FOXN3: variants seen among roughly 807,000 people sequenced by gnomAD.
FOXN3 encodes the protein forkhead box N3.
FOXN3 carries 7 observed loss-of-function variants against 38.4 expected under a neutral mutation model. The ratio of observed to expected loss-of-function variants is 0.18; its 90% CI spans 0.10 to 0.34. The LOEUF is 0.34. Ranked by LOEUF, FOXN3 falls within the 10% of genes least tolerant of loss-of-function variation. The probability of loss-of-function intolerance (pLI) is 1.00; values close to 1 mark genes in which losing one functional copy is unlikely to be tolerated. For missense variants in FOXN3, 456 were observed against 613.4 expected (o/e 0.74, Z 2.71); for synonymous variants, 230 against 242.2 (o/e 0.95, Z 0.47).
chr14:89,554,009 TG>T (rs1895061984), intron 1 of FOXN3, among the ~76,000 whole-genome samples: 1 of 152,154 alleles, frequency 6.6e-6, no homozygotes, highest in Non-Finnish European at 1.5e-5. Flanking sequence ...TTTTTTGTTT[TG>T]TTTTTTTATT....
At position 89,522,363 on chromosome 14, in the gene FOXN3, TAGA is replaced by T. The variant is rs1182139860; in HGVS notation, c.-15+96662_-15+96664del. 2.4e-4 allele frequency among the ~76,000 whole-genome samples: 37 copies of T among 152,292 alleles called. 1 individual carries two copies. The East Asian group carries it at 6.4e-3, about 26-fold the overall frequency. On this transcript the variant is annotated intron_variant, in intron 1 of 6. Transcript: ENST00000345097. ...AGCAGACCTGCACTATAAGAAATGTTAGAAGAAGTCCTTCAGGCAGAGAGACAG... is the reference window on the plus strand; with the variant it reads ...AGCAGACCTGCACTATAAGAAATGTTAGAAGTCCTTCAGGCAGAGAGACAG...
chr14:89,323,370 G>T (rs1887950568), intron 3 of FOXN3, among the ~76,000 whole-genome samples: 3 of 151,930 alleles, frequency 2.0e-5, no homozygotes, highest in African/African-American at 7.3e-5. Context: ...GTTAGGGTAG[G>T]TGTCTTTGAG....
chr14:89,318,832 C>T (rs376586427), intron 3 of FOXN3, among the ~76,000 whole-genome samples: 4 of 152,348 alleles, frequency 2.6e-5, no homozygotes, highest in African/African-American at 9.6e-5. Context: ...AGCCGCCGAC[C>T]CGATGCATCT....
At chr14:89,166,105 CCCTTTTTT>C (rs1424805160) in intron 5 of FOXN3, among the ~76,000 whole-genome samples, 2 of 152,136 alleles carry the variant, frequency 1.3e-5, no homozygotes, top group Admixed American at 6.5e-5. Context: ...GCTTTTCTTT[CCCTTTTTT>C]CCTAAGTTTG....
intron 1 of FOXN3, among the ~76,000 whole-genome samples, chr14:89,448,381 T>TG (rs781217247): frequency 5.9e-5 from 9 of 152,102 alleles, no homozygotes; most frequent in Non-Finnish European, 8.8e-5. Context: ...ATAAGGTGGG[T>TG]GCTCACTGGG....
At chr14:89,242,875 G>A (rs1332667661) in intron 4 of FOXN3, among the ~76,000 whole-genome samples, 1 of 152,180 alleles carries the variant, frequency 6.6e-6, no homozygotes, top group Admixed American at 6.5e-5. Flanking sequence ...TCTCGTGAAA[G>A]AGCTATTTTT....
At chr14:89,603,523 G>A (rs528004504) in intron 1 of FOXN3, among the ~76,000 whole-genome samples, 47 of 152,220 alleles carry the variant, frequency 3.1e-4, no homozygotes, top group Middle Eastern at 3.4e-3. Context: ...GATCTGTACC[G>A]TAGTTGGCCA....
intron 1 of FOXN3, among the ~76,000 whole-genome samples, chr14:89,472,741 A>G (rs1413499092): frequency 6.6e-6 from 1 of 150,988 alleles, no homozygotes; most frequent in African/African-American, 2.4e-5. Context: ...AAAAAAAAAA[A>G]GATAGATTGT....
intron 1 of FOXN3, among the ~76,000 whole-genome samples, chr14:89,575,165 C>A (rs926227091): frequency 1.3e-5 from 2 of 152,176 alleles, no homozygotes; most frequent in African/African-American, 4.8e-5. Flanking sequence ...CCTCTATTTT[C>A]CCTGACAAAA....
chr14:89,356,516 T>C (rs1225239147), intron 2 of FOXN3: 2 of 152,156 alleles, frequency 1.3e-5, no homozygotes, highest in Admixed American at 6.5e-5. Flanking sequence ...TTTAAGACAA[T>C]TGTAACCCTG....
chr14:89,593,133 AGGAGGGAG>A (rs141729598), intron 1 of FOXN3, among the ~76,000 whole-genome samples: 4,112 of 126,732 alleles, frequency 0.032, 213 homozygotes, highest in African/African-American at 0.11. Flanking sequence ...GAAGGAGGGA[AGGAGGGAG>A]GGAGGGAGGA....
chr14:89,418,423 C>G (rs1289075353), upstream of FOXN3, among the ~76,000 whole-genome samples: 2 of 127,626 alleles, frequency 1.6e-5, no homozygotes, highest in Non-Finnish European at 3.3e-5. Context: ...CCCCCCCCCC[C>G]CAATCTGAGA....
chr14:89,269,977 CTT>C (rs923675140), intron 4 of FOXN3, among the ~76,000 whole-genome samples: 5 of 152,180 alleles, frequency 3.3e-5, no homozygotes, highest in Non-Finnish European at 5.9e-5. Flanking sequence ...AATCTTTTCT[CTT>C]TTGGAAAACC....
At chr14:89,490,959 G>A (rs1172092587) in intron 1 of FOXN3, among the ~76,000 whole-genome samples, 4 of 152,098 alleles carry the variant, frequency 2.6e-5, no homozygotes, top group African/African-American at 9.7e-5. Flanking sequence ...ATTAGTTAAG[G>A]AGATACACTC....
chr14:89,167,525 G>C (rs372814206), intron 5 of FOXN3, among the ~76,000 whole-genome samples: 43 of 152,166 alleles, frequency 2.8e-4, no homozygotes, highest in East Asian at 9.6e-4. Context: ...GTAGAAGCAG[G>C]GGACTGGAGC....
Position 89,387,278 on chromosome 14 carries a change from TAAAC to T in FOXN3, c.543+24652_543+24655del, listed in dbSNP as rs930534254. Among the ~76,000 whole-genome samples, 192 of 152,050 alleles carry T rather than the reference TAAAC, an allele frequency of 1.3e-3. 1 individual carries two copies. The highest frequency in any genetic ancestry group is 4.3e-3 in the African/African-American group (179 of 41,492). ...CTCAATCAATCAATCAATCAATCAA[TAAAC>T]AAACCAACCAATTAGGGGGGAGACA... On this transcript the variant is annotated intron_variant, in intron 2 of 5. Coordinates refer to ENST00000557258, the MANE Select transcript of FOXN3 (RefSeq NM_005197.4).
At position 89,178,173 on chromosome 14, in the gene FOXN3, A is replaced by ATTT. The variant is rs777561153; in HGVS notation, c.851+2525_851+2527dup. On this transcript the variant is annotated intron_variant, in intron 5 of 5. Transcript: ENST00000557258. ...AGGTGTGTGCCACCATGCCCAGGTC[A>ATTT]TTTTTTTTTTTTTTTTAAATAGAGA... Among the ~76,000 whole-genome samples the ATTT allele has an allele frequency of 3.8e-5, 5 of 133,034 alleles. No homozygotes were observed. The East Asian group carries it at 8.7e-4, about 23-fold the overall frequency. 87.3% of individuals were successfully genotyped at this position (133,034 alleles called of 152,430 possible).
intron 1 of FOXN3, among the ~76,000 whole-genome samples, chr14:89,413,886 AAGGGCAGGGC>A (rs370893490): frequency 4.6e-5 from 6 of 130,688 alleles, no homozygotes; most frequent in Admixed American, 8.0e-5. Context: ...AAGGGCAGGG[AAGGGCAGGGC>A]AGGGCAGGGC....
chr14:89,547,118 G>A (rs1411345609), intron 1 of FOXN3, among the ~76,000 whole-genome samples: 2 of 152,156 alleles, frequency 1.3e-5, no homozygotes, highest in African/African-American at 4.8e-5. Flanking sequence ...ACAGAGGCTG[G>A]GCAAGGTGGC....
Sources: gnomAD v4.1 joint callset for allele counts (sites outside exome capture counted in the v4.1 genomes callset) on GRCh38, gnomAD v4.1.1 for gene constraint, MANE v1.5 for transcripts, NCBI Gene and HGNC (gene_info 2026-07-23, HGNC 2026-07-21) for gene names.